Variants in PEX5 observed in about 807,000 individuals in gnomAD.
PEX5 encodes peroxisomal biogenesis factor 5.
A neutral mutation model predicts 82.9 loss-of-function variants in PEX5; 52 were observed. That is an observed-to-expected ratio of 0.63 (90% CI 0.50 to 0.79). The LOEUF (loss-of-function observed/expected upper bound fraction) is 0.79. Ranked by LOEUF, PEX5 falls within the 30% of genes least tolerant of loss-of-function variation. The pLI is 0.00. For missense variants in PEX5, 719 were observed against 815.2 expected (o/e 0.88, Z 1.44); for synonymous variants, 300 against 318.8 (o/e 0.94, Z 0.63).
At chr12:7,215,485 C>A (rs745931938), downstream of PEX5, among the ~76,000 whole-genome samples, 3 of 152,190 alleles carry the variant, frequency 2.0e-5, no homozygotes, top group South Asian at 2.1e-4. Context: ...GACGTGGAAT[C>A]AACCTGGATG....
chr12:7,191,137 C>A (rs767504604), intron 3 of PEX5, 89 bp from the exon 4 acceptor site: 5 of 1,462,812 alleles, frequency 3.4e-6, no homozygotes, highest in Non-Finnish European at 4.8e-6. Flanking sequence ...TTCCTTGTAT[C>A]TAACATTGGG....
At position 7,199,202 on chromosome 12, in the gene PEX5, C is replaced by T. The variant is rs952308889; in HGVS notation, c.551+89C>T. On this transcript the variant is annotated intron_variant, in intron 6 of 15. Coordinates refer to ENST00000675855, the MANE Select transcript of PEX5 (RefSeq NM_001351132.2). ...CCATCCACGTTCTCGAACCAACTTA[C>T]TTTATTCTTTTTTTTTTTTTTTTTT... is the stretch of plus-strand genomic sequence containing the variant. The T allele has an allele frequency of 2.2e-5, 12 of 536,512 alleles. No individual in the cohort carries two copies. The African/African-American group carries it at 2.5e-4, about 11-fold the overall frequency. 33.2% of individuals were successfully genotyped at this position (536,512 alleles called of 1,614,324 possible). A position where few individuals can be genotyped will look rare whatever the true frequency, so the allele number is the denominator to read the frequency against.
intron 15 of PEX5, 73 bp from the exon 16 acceptor site, chr12:7,209,949 C>T (rs1945338947): frequency 6.3e-7 from 1 of 1,593,562 alleles, no homozygotes; most frequent in Admixed American, 1.7e-5. Flanking sequence ...CTTTCTCCCT[C>T]CCACTGCTAG....
rs751148574 is a variant in PEX5 at position 7,203,528 on chromosome 12, C to CTT, written c.944_945dup (p.Thr316LeufsTer73). On this transcript the variant is annotated frameshift_variant, in exon 10 of 16. Coordinates refer to ENST00000675855, the MANE Select transcript of PEX5 (RefSeq NM_001351132.2). LOFTEE classifies it high-confidence loss of function. ...CCCCTGGCTTTCTGACTATGATGAC[C>CTT]TTACGTCAGCTACCTATGATAAGGT... is the stretch of plus-strand genomic sequence containing the variant. 6.2e-6 allele frequency: 10 copies of CTT among 1,613,836 alleles called. No homozygotes were observed. The highest frequency in any genetic ancestry group is 8.5e-6 in the Non-Finnish European group (10 of 1,179,966).
Position 7,210,712 on chromosome 12 carries a change from T to C in PEX5, c.*489T>C, listed in dbSNP as rs1945466384. 17 of 249,994 alleles carry C rather than the reference T, an allele frequency of 6.8e-5. No homozygotes were observed. In the South Asian group the frequency reaches 8.9e-4, roughly 13 times the overall value. The allele number at this position is 249,994 out of a possible 1,614,324, so 15.5% of individuals were successfully genotyped here. On this transcript the variant is annotated 3_prime_UTR_variant, in exon 16 of 16. Transcript: ENST00000675855. ...TGTGTTAGGAGTTGGCCTGTTGGGT[T>C]GAATTGTTGATTTGGCTGAGCAGAG...
downstream of PEX5, chr12:7,212,630 T>C (rs919379244): frequency 6.6e-6 from 1 of 152,148 alleles, no homozygotes; most frequent in African/African-American, 2.4e-5. Flanking sequence ...AGAAAAATGG[T>C]TGGTCAATTA....
At position 7,197,361 on chromosome 12, in the gene PEX5, ATAAT is replaced by A. The variant is rs775204380; in HGVS notation, c.449-1647_449-1644del. Among the ~76,000 whole-genome samples the A allele has an allele frequency of 7.4e-5, 6 of 80,952 alleles. No homozygotes were observed. In the East Asian group the frequency reaches 1.1e-3, roughly 14 times the overall value. 53.1% of individuals were successfully genotyped at this position (80,952 alleles called of 152,430 possible). On this transcript the variant is annotated intron_variant, in intron 5 of 15. Coordinates refer to ENST00000675855, the MANE Select transcript of PEX5 (RefSeq NM_001351132.2). ...AATTATATATGTCATATACAATGTA[ATAAT>A]TATATATGTCATATACAATGTAATA...
intron 7 of PEX5, 172 bp from the exon 8 acceptor site, chr12:7,202,069 G>T: frequency 9.6e-7 from 1 of 1,046,264 alleles, no homozygotes; most frequent in Non-Finnish European, 1.4e-6. Flanking sequence ...AGTCTTTAGA[G>T]CCAGAAATCC....
At chr12:7,191,177 T>C in intron 3 of PEX5, 49 bp from the exon 4 acceptor site, 1 of 1,612,980 alleles carries the variant, frequency 6.2e-7, no homozygotes, top group Non-Finnish European at 8.5e-7. Context: ...TGCCTCTTGC[T>C]GGGGCCTCCC....
chr12:7,215,254 T>C (rs1400705245), downstream of PEX5, among the ~76,000 whole-genome samples: 1 of 152,062 alleles, frequency 6.6e-6, no homozygotes, highest in African/African-American at 2.4e-5. Flanking sequence ...AAAAGTAACA[T>C]GTTAGTGAGG....
Position 7,207,327 on chromosome 12 carries a change from G to C in PEX5, c.967-332G>C, listed in dbSNP as rs183881246. Among the ~76,000 whole-genome samples the C allele has an allele frequency of 4.9e-4, 74 of 152,276 alleles. 1 individual carries two copies. Among genetic ancestry groups the C allele is most frequent in the African/African-American group, 7.9e-4 (33 of 41,556 alleles). On this transcript the variant is annotated intron_variant, in intron 10 of 15. Transcript: ENST00000675855. ...TGTCTCATTACTATAAGCAGATCCT[G>C]TTGAGACATTCTGCCCCGTGGTGAG...
At chr12:7,198,603 T>C (rs1943172502) in intron 5 of PEX5, among the ~76,000 whole-genome samples, 1 of 152,150 alleles carries the variant, frequency 6.6e-6, no homozygotes, top group Non-Finnish European at 1.5e-5. Context: ...ACCAGTGCCT[T>C]GGTTAAGGAA....
rs189896710 is a variant in PEX5 at position 7,217,750 on chromosome 12, C to T, written c.*20-652C>T. Among the ~76,000 whole-genome samples the T allele has an allele frequency of 2.4e-4, 37 of 152,344 alleles. No individual in the cohort carries two copies. The East Asian group carries it at 6.0e-3, about 25-fold the overall frequency. On this transcript the variant is annotated intron_variant, in intron 17 of 17. Transcript: ENST00000455147. ...TGGGCTGGCTGCAGGGGCTTTGCAG[C>T]CTCCACCCATACACCCAAGCTGGAA...
At chr12:7,200,071 TGACCCCCA>T (rs1943551407) in intron 6 of PEX5, among the ~76,000 whole-genome samples, 1 of 98,538 alleles carries the variant, frequency 1.0e-5, no homozygotes, top group Non-Finnish European at 2.4e-5. Flanking sequence ...GGCGGGGGGC[TGACCCCCA>T]CCTCCCTCCC....
chr12:7,196,310 A>C (rs1253666364), intron 5 of PEX5, among the ~76,000 whole-genome samples: 1 of 70,266 alleles, frequency 1.4e-5, no homozygotes, highest in Admixed American at 1.4e-4. Flanking sequence ...GTCATATATA[A>C]TTTAATTATA....
chr12:7,194,214 A>G (rs768091648), intron 5 of PEX5, among the ~76,000 whole-genome samples: 129 of 152,232 alleles, frequency 8.5e-4, no homozygotes, highest in Middle Eastern at 3.4e-3. Context: ...TTATTTTAAA[A>G]TCTCCACTGT....
chr12:7,215,816 C>T (rs370762149), downstream of PEX5, among the ~76,000 whole-genome samples: 1 of 152,232 alleles, frequency 6.6e-6, no homozygotes, highest in East Asian at 1.9e-4. Flanking sequence ...ATCATTTGTA[C>T]ACCAAACCTC....
intron 2 of PEX5, 76 bp from the exon 3 acceptor site, chr12:7,190,812 C>T: frequency 7.0e-7 from 1 of 1,425,088 alleles, no homozygotes; most frequent in Admixed American, 1.7e-5. Flanking sequence ...AGCCGAGGCT[C>T]AGATGCCTAT....
rs1945095734 is a variant in PEX5, at chr12:7,208,451, A to C, written c.1182-6A>C. 6.2e-7 allele frequency: 1 copy of C among 1,611,212 alleles called. No homozygotes were observed. Among genetic ancestry groups the C allele is most frequent in the Non-Finnish European group, 8.5e-7 (1 of 1,177,460 alleles). On this transcript the variant is annotated splice_region_variant and splice_polypyrimidine_tract_variant and intron_variant, in intron 12 of 15. Transcript: ENST00000675855. ...ATATCAAGTCTGCCCATCCCTGATC[A>C]AACAGGTGTCTGGAGCTAAAGCCAG...
Sources: gnomAD v4.1 joint callset for allele counts (sites outside exome capture counted in the v4.1 genomes callset) on GRCh38, gnomAD v4.1.1 for gene constraint, MANE v1.5 for transcripts, NCBI Gene and HGNC (gene_info 2026-07-23, HGNC 2026-07-21) for gene names.